SUPT3H: variants seen among roughly 807,000 people sequenced by gnomAD.
SUPT3H encodes the protein SPT3 homolog, SAGA and STAGA complex component.
Under a neutral mutation model 44.3 loss-of-function variants are expected in SUPT3H, and 44 were observed. That is an observed-to-expected ratio of 0.99 (90% CI 0.78 to 1.28). The LOEUF is 1.28. Among genes scored for constraint, SUPT3H ranks in the 50% most tolerant of loss-of-function variants. The pLI, the probability that SUPT3H is intolerant of heterozygous loss-of-function variation, is 0.00. For missense variants in SUPT3H, 380 were observed against 387.1 expected, an observed-to-expected ratio of 0.98 and a Z score of 0.15; for synonymous variants, 124 against 125.6, an observed-to-expected ratio of 0.99 and a Z score of 0.09.
intron 10 of SUPT3H, among the ~76,000 whole-genome samples, chr6:44,839,751 G>T (rs1289842894): frequency 1.3e-5 from 2 of 151,832 alleles, no homozygotes. Flanking sequence ...GCCCAGGCTG[G>T]AGTGCAGTGG....
intron 5 of SUPT3H, among the ~76,000 whole-genome samples, chr6:45,012,055 CT>C (rs1046050859): frequency 6.7e-6 from 1 of 149,374 alleles, no homozygotes; most frequent in Non-Finnish European, 1.5e-5. Flanking sequence ...CAGGGTCCCC[CT>C]GTATATGCTT....
At chr6:45,271,349 C>T (rs1235065798) in intron 2 of SUPT3H, among the ~76,000 whole-genome samples, 1 of 152,090 alleles carries the variant, frequency 6.6e-6, no homozygotes, top group Non-Finnish European at 1.5e-5. Context: ...TGGGCCAGGC[C>T]CAGGGTCCCC....
chr6:44,894,632 G>A (rs1375238009), intron 10 of SUPT3H, among the ~76,000 whole-genome samples: 1 of 152,130 alleles, frequency 6.6e-6, no homozygotes, highest in Non-Finnish European at 1.5e-5. Flanking sequence ...TAGCCTTGTA[G>A]TATAGTTTGA....
intron 10 of SUPT3H, among the ~76,000 whole-genome samples, chr6:44,852,286 A>AT (rs1487174369): frequency 1.3e-5 from 2 of 151,804 alleles, no homozygotes; most frequent in Non-Finnish European, 2.9e-5. Context: ...CCACTCTACT[A>AT]TTTTTTCCCT....
chr6:44,961,845 C>T lies in SUPT3H; in HGVS notation c.505-17G>A. 6.4e-7 allele frequency: 1 copy of T among 1,569,184 alleles called. No individual in the cohort carries two copies. The highest frequency in any genetic ancestry group is 1.2e-5 in the South Asian group (1 of 86,500). On this transcript the variant is annotated splice_polypyrimidine_tract_variant and intron_variant, in intron 6 of 10. Transcript: ENST00000371459. Reference sequence around the variant, plus strand: ...TTCTGCTCTCTAAAAGATAAAAATACATAACATTTTTTAAAGCAAGCAGAT... The same window carrying T: ...TTCTGCTCTCTAAAAGATAAAAATATATAACATTTTTTAAAGCAAGCAGAT...
At chr6:45,364,954 AT>A (rs1407737339) in intron 2 of SUPT3H, among the ~76,000 whole-genome samples, 1 of 152,190 alleles carries the variant, frequency 6.6e-6, no homozygotes, top group Non-Finnish European at 1.5e-5. Context: ...TGTCCACCTG[AT>A]TATTCATTCT....
intron 2 of SUPT3H, chr6:45,328,628 A>G: frequency 5.0e-6 from 8 of 1,609,822 alleles, no homozygotes; most frequent in Non-Finnish European, 6.8e-6. Flanking sequence ...CTGTAAAACT[A>G]AAACAAGGTT....
chr6:45,113,827 C>CAAAAAAAAAAAAAAAAAAA (rs374606230), intron 2 of SUPT3H, among the ~76,000 whole-genome samples: 2 of 112,738 alleles, frequency 1.8e-5, no homozygotes, highest in African/African-American at 6.9e-5. Flanking sequence ...AAGACTCCAT[C>CAAAAAAAAAAAAAAAAAAA]AAAAAAAAAA....
At chr6:44,877,399 G>C (rs912943613) in intron 10 of SUPT3H, among the ~76,000 whole-genome samples, 1 of 150,510 alleles carries the variant, frequency 6.6e-6, no homozygotes, top group African/African-American at 2.5e-5. Context: ...AACCCCAGAG[G>C]CAGAGGTTGC....
chr6:45,120,575 T>G lies in SUPT3H; in HGVS notation c.102-14569A>C, dbSNP rs142199312. Reference sequence around the variant, plus strand: ...GCAAACCAATATATAAATGCCACAATAGTTGAATTCAGAAGATTAAGAGGA... The same window carrying G: ...GCAAACCAATATATAAATGCCACAAGAGTTGAATTCAGAAGATTAAGAGGA... On this transcript the variant is annotated intron_variant, in intron 2 of 10. Transcript: ENST00000371459. Among the ~76,000 whole-genome samples, 324 of 152,136 alleles carry G rather than the reference T, an allele frequency of 2.1e-3. 1 individual carries two copies. The highest frequency in any genetic ancestry group is 7.5e-3 in the African/African-American group (310 of 41,524).
chr6:45,208,638 C>T lies in SUPT3H; in HGVS notation c.102-102632G>A, dbSNP rs994455537. On this transcript the variant is annotated intron_variant, in intron 2 of 10. Transcript: ENST00000371459. ...GTTCAGGACGCTGAGACAGGAGAAT[C>T]GCTTGAACACAGGAGGTGGAGGTTG... Among the ~76,000 whole-genome samples, 14 of 151,444 alleles carry T rather than the reference C, an allele frequency of 9.2e-5. No individual in the cohort carries two copies. In the South Asian group the frequency reaches 1.0e-3, roughly 11 times the overall value.
chr6:45,084,554 G>A (rs2153559937), intron 3 of SUPT3H, among the ~76,000 whole-genome samples: 1 of 152,268 alleles, frequency 6.6e-6, no homozygotes, highest in South Asian at 2.1e-4. Flanking sequence ...AAAGCAGTTT[G>A]GAGATTTCAC....
At chr6:45,090,609 G>T (rs920759188) in intron 3 of SUPT3H, among the ~76,000 whole-genome samples, 49 of 151,762 alleles carry the variant, frequency 3.2e-4, no homozygotes, top group African/African-American at 1.1e-3. Flanking sequence ...GTGAAAAAAA[G>T]AATTAAAAAA....
At chr6:45,336,361 G>A (rs1788552444) in intron 2 of SUPT3H, among the ~76,000 whole-genome samples, 1 of 151,230 alleles carries the variant, frequency 6.6e-6, no homozygotes, top group South Asian at 2.1e-4. Context: ...TACACCAATA[G>A]GACTAGAGAA....
chr6:44,881,968 C>A (rs752109935), intron 10 of SUPT3H, among the ~76,000 whole-genome samples: 38 of 151,930 alleles, frequency 2.5e-4, no homozygotes, highest in Non-Finnish European at 5.0e-4. Context: ...AACATCACAA[C>A]TAAAAGAACT....
chr6:45,106,521 G>C (rs1201509006), intron 2 of SUPT3H, among the ~76,000 whole-genome samples: 1 of 152,012 alleles, frequency 6.6e-6, no homozygotes, highest in African/African-American at 2.4e-5. Context: ...GCTATTTCTG[G>C]ATTCGTACAG....
intron 1 of SUPT3H, among the ~76,000 whole-genome samples, chr6:45,370,617 A>G (rs1279709058): frequency 6.6e-6 from 1 of 152,230 alleles, no homozygotes; most frequent in Non-Finnish European, 1.5e-5. Flanking sequence ...TTTCTCTGTC[A>G]GGAATAATTT....
chr6:45,285,447 T>G lies in SUPT3H; in HGVS notation c.101+79754A>C, dbSNP rs539068848. The stretch of plus-strand genomic sequence containing the variant: ...AATCACAAGCATTCTTATACACCAA[T>G]AACAGACAAACAGAGAGCCAAATCG... On this transcript the variant is annotated intron_variant, in intron 2 of 10. Coordinates refer to ENST00000371459, the MANE Select transcript of SUPT3H (RefSeq NM_003599.4). Among the ~76,000 whole-genome samples the G allele has an allele frequency of 2.9e-4, 44 of 152,076 alleles. 1 individual carries two copies. Among genetic ancestry groups the G allele is most frequent in the African/African-American group, 9.9e-4 (41 of 41,490 alleles).
intron 2 of SUPT3H, among the ~76,000 whole-genome samples, chr6:45,318,651 A>G (rs1785049620): frequency 6.7e-6 from 1 of 150,350 alleles, no homozygotes. Context: ...TTCATGCAGT[A>G]AATAACTAAA....
Sources: allele counts gnomAD v4.1 joint callset (sites outside exome capture counted in the v4.1 genomes callset), GRCh38; gene constraint gnomAD v4.1.1; transcripts MANE v1.5; gene names NCBI Gene and HGNC (gene_info 2026-07-23, HGNC 2026-07-21).